The following CACNA1A variants were observed in gnomAD, a reference collection of about 807,000 sequenced individuals.
CACNA1A encodes voltage-dependent P/Q-type calcium channel subunit alpha-1A.
Under a neutral mutation model 262.4 loss-of-function variants are expected in CACNA1A, and 57 were observed. The ratio of observed to expected loss-of-function variants is 0.22; its 90% CI spans 0.18 to 0.27. The LOEUF (loss-of-function observed/expected upper bound fraction) is 0.27, where lower values mean the gene tolerates loss of function less well. Ranked by LOEUF, CACNA1A falls within the 10% of genes least tolerant of loss-of-function variation. The pLI is 1.00. For missense variants in CACNA1A, 2,526 were observed against 3,562.8 expected, an observed-to-expected ratio of 0.71 and a Z score of 7.41; for synonymous variants, 1,431 against 1,419.3, an observed-to-expected ratio of 1.01 and a Z score of -0.18.
intron 1 of CACNA1A, among the ~76,000 whole-genome samples, chr19:13,495,455 C>A (rs1981389493): frequency 6.6e-6 from 1 of 152,092 alleles, no homozygotes; most frequent in Non-Finnish European, 1.5e-5. Context: ...CGCCACCACG[C>A]CTGGCTAATT....
intron 19 of CACNA1A, among the ~76,000 whole-genome samples, chr19:13,290,645 T>C (rs558242023): frequency 1.4e-4 from 21 of 151,994 alleles, no homozygotes; most frequent in Non-Finnish European, 2.6e-4. Flanking sequence ...CTCCTGGGGC[T>C]CAAGAGATCC....
chr19:13,330,051 A>C (rs145229373), intron 10 of CACNA1A, among the ~76,000 whole-genome samples, 193 bp downstream of exon 10: 12 of 152,308 alleles, frequency 7.9e-5, no homozygotes, highest in African/African-American at 2.9e-4. Context: ...TTCCCACAAA[A>C]TAATGAGAAG....
intron 20 of CACNA1A, 142 bp downstream of exon 20, chr19:13,286,361 G>C (rs1013326637): frequency 1.7e-5 from 8 of 465,466 alleles, no homozygotes; most frequent in African/African-American, 1.6e-4. Flanking sequence ...CTGTGGGGTA[G>C]GAAACTACGC....
At chr19:13,426,903 T>C (rs4926287) in intron 3 of CACNA1A, among the ~76,000 whole-genome samples, 52,148 of 152,110 alleles carry the variant, frequency 0.34, 11,155 homozygotes, top group African/African-American at 0.6. Context: ...GTCTTCCCCA[T>C]TTGCTATTTT....
chr19:13,356,579 A>G (rs1016101555), intron 6 of CACNA1A, among the ~76,000 whole-genome samples: 4 of 152,114 alleles, frequency 2.6e-5, no homozygotes, highest in Non-Finnish European at 5.9e-5. Context: ...CTGTCCCACC[A>G]CTGGGCACGC....
In CACNA1A at chr19:13,212,761, C is replaced by G; in HGVS notation, c.5941-21G>C. 3.6e-6 allele frequency: 5 copies of G among 1,389,844 alleles called. No homozygotes were observed. In the South Asian group the frequency reaches 6.0e-5, roughly 17 times the overall value. 86.1% of individuals were successfully genotyped at this position (1,389,844 alleles called of 1,614,324 possible). A position where few individuals can be genotyped will look rare whatever the true frequency, so the allele number is the denominator to read the frequency against. On this transcript the variant is annotated intron_variant, in intron 40 of 46. Coordinates refer to ENST00000360228, the MANE Select transcript of CACNA1A (RefSeq NM_001127222.2). The surrounding 1 kb of genome is among the most constrained non-coding windows in gnomAD (Gnocchi z 5.6). ...CGGTCCTGGGGAATGGGGCAGAGAG[C>G]AGTGTGTGGACAAGGGTGGGGTGGT...
intron 38 of CACNA1A, among the ~76,000 whole-genome samples, chr19:13,219,042 A>ATTTT (rs554840529): frequency 1.7e-5 from 2 of 118,028 alleles, no homozygotes; most frequent in Non-Finnish European, 3.4e-5. Context: ...CCCTTTGCAG[A>ATTTT]TTTTTTTTTT....
At chr19:13,267,265 C>T (rs772866412) in intron 24 of CACNA1A, among the ~76,000 whole-genome samples, 4 of 152,202 alleles carry the variant, frequency 2.6e-5, no homozygotes, top group Admixed American at 6.5e-5. Context: ...AGAACACGCA[C>T]GTACACACAC....
At chr19:13,215,596 A>T (rs192496824) in intron 38 of CACNA1A, among the ~76,000 whole-genome samples, 2 of 148,334 alleles carry the variant, frequency 1.3e-5, no homozygotes, top group African/African-American at 5.0e-5. Context: ...TGGCGATTAC[A>T]TGCGTGAGCC....
intron 3 of CACNA1A, among the ~76,000 whole-genome samples, chr19:13,408,514 C>T (rs1463727705): frequency 6.6e-6 from 1 of 152,214 alleles, no homozygotes; most frequent in African/African-American, 2.4e-5. Context: ...AGTCCTTTTA[C>T]AAATTCCTTT....
At chr19:13,473,159 T>C (rs1362264000) in intron 1 of CACNA1A, among the ~76,000 whole-genome samples, 1 of 148,780 alleles carries the variant, frequency 6.7e-6, no homozygotes, top group African/African-American at 2.5e-5. Context: ...GAGGCTGAGG[T>C]GGGAGGATTG....
At position 13,357,753 on chromosome 19, in the gene CACNA1A, T is replaced by C. The variant is rs540543803; in HGVS notation, c.978+1853A>G. On this transcript the variant is annotated intron_variant, in intron 6 of 46. Coordinates refer to ENST00000360228, the MANE Select transcript of CACNA1A (RefSeq NM_001127222.2). ...GTGCAGTGGCTCACACCTGTAATCCTAGCACTTTGGGAGGCTGAGGCAGGA... is the reference window on the plus strand; with the variant it reads ...GTGCAGTGGCTCACACCTGTAATCCCAGCACTTTGGGAGGCTGAGGCAGGA... 3.6e-4 allele frequency among the ~76,000 whole-genome samples: 55 copies of C among 152,258 alleles called. 1 individual carries two copies. In the South Asian group the frequency reaches 9.1e-3, roughly 25 times the overall value.
chr19:13,254,130 A>G (rs1199466526), intron 29 of CACNA1A, among the ~76,000 whole-genome samples: 2 of 152,142 alleles, frequency 1.3e-5, no homozygotes, highest in Non-Finnish European at 2.9e-5. Context: ...GAGGGGGCAA[A>G]TGTGCTCTTA....
chr19:13,429,733 G>C (rs1394953119), intron 3 of CACNA1A, among the ~76,000 whole-genome samples: 1 of 151,722 alleles, frequency 6.6e-6, no homozygotes, highest in Non-Finnish European at 1.5e-5. Flanking sequence ...CCATCTGGAT[G>C]AACAGATAAG....
intron 3 of CACNA1A, among the ~76,000 whole-genome samples, chr19:13,372,257 C>T (rs1321403249): frequency 2.0e-5 from 3 of 152,082 alleles, no homozygotes; most frequent in East Asian, 1.9e-4. Flanking sequence ...CAACCTCTGC[C>T]TCCCGGGTTC....
chr19:13,217,901 C>A (rs1183757964), intron 38 of CACNA1A, among the ~76,000 whole-genome samples: 2 of 146,222 alleles, frequency 1.4e-5, no homozygotes, highest in East Asian at 2.0e-4. Flanking sequence ...TAGCAGGGGG[C>A]CTTGGGCCAC....
intron 17 of CACNA1A, 114 bp from the exon 18 acceptor site, chr19:13,300,770 C>G (rs538154660): frequency 3.7e-6 from 3 of 818,678 alleles, no homozygotes; most frequent in African/African-American, 3.3e-5. Context: ...CAATCAGAAC[C>G]AAGGCTCCCC....
intron 34 of CACNA1A, among the ~76,000 whole-genome samples, chr19:13,233,429 A>T (rs2055743154): frequency 6.6e-6 from 1 of 152,214 alleles, no homozygotes; most frequent in South Asian, 2.1e-4. Context: ...AAGTAAGCTC[A>T]CATTATTATG....
chr19:13,376,660 ATAT>A (rs1421187495), intron 3 of CACNA1A, among the ~76,000 whole-genome samples: 1 of 146,782 alleles, frequency 6.8e-6, no homozygotes, highest in Non-Finnish European at 1.5e-5. Context: ...ACTACACATA[ATAT>A]ATGTTATATA....
Sources: gnomAD v4.1 joint callset for allele counts (sites outside exome capture counted in the v4.1 genomes callset) on GRCh38, gnomAD v4.1.1 for gene constraint, Gnocchi (gnomAD v3.1) non-coding constraint, MANE v1.5 for transcripts, NCBI Gene and HGNC (gene_info 2026-07-23, HGNC 2026-07-21) for gene names.